RTN2: variants seen among roughly 807,000 people sequenced by gnomAD.
RTN2 encodes the protein reticulon 2, also known as reticulon-2.
A neutral mutation model predicts 63.7 loss-of-function variants in RTN2; 36 were observed. That is an observed-to-expected ratio of 0.56 (90% CI 0.43 to 0.75). RTN2 has a LOEUF of 0.75. Among genes scored for constraint, RTN2 ranks in the 30% least tolerant of loss-of-function variants. The pLI, the probability that RTN2 is intolerant of heterozygous loss-of-function variation, is 0.00. For synonymous variants in RTN2, 312 were observed against 313.0 expected, an observed-to-expected ratio of 1.00 and a Z score of 0.03; for missense variants, 673 against 705.1, an observed-to-expected ratio of 0.95 and a Z score of 0.52.
chr19:45,487,610 G>A (rs1206267655), intron 9 of RTN2, among the ~76,000 whole-genome samples: 2 of 110,962 alleles, frequency 1.8e-5, no homozygotes, highest in Non-Finnish European at 3.5e-5. Flanking sequence ...TTTTGAGACA[G>A]ACTCTTGCTC....
intron 9 of RTN2, among the ~76,000 whole-genome samples, chr19:45,487,914 G>T (rs1475801726): frequency 1.4e-5 from 2 of 142,534 alleles, no homozygotes; most frequent in Non-Finnish European, 3.0e-5. Flanking sequence ...CTGCACTCCA[G>T]TCTGGGCAAC....
Position 45,494,790 on chromosome 19 carries a change from G to T in RTN2, c.295C>A (p.Gln99Lys). 1.9e-6 allele frequency: 3 copies of T among 1,605,220 alleles called. No homozygotes were observed. Among genetic ancestry groups the T allele is most frequent in the Non-Finnish European group, 8.5e-7 (1 of 1,179,896 alleles). The change falls in exon 3 of 11, where the codon CAG becomes AAG. Residue 99 changes from glutamine (Q) to lysine (K), a missense_variant. Gln to Lys is a moderately conservative substitution (Grantham distance 53). Coordinates refer to ENST00000245923, the MANE Select transcript of RTN2 (RefSeq NM_005619.5). This position sits in a 1 kb window ranked among gnomAD's most constrained non-coding sequence, Gnocchi z 5.3. ...TCGCCCAGGCTGGGCTGAGGGTGCTGGTCTCGTGGTTCCGAGACTGAGCGG... is the reference window on the plus strand; with the variant it reads ...TCGCCCAGGCTGGGCTGAGGGTGCTTGTCTCGTGGTTCCGAGACTGAGCGG... ...QGRSVSEPRD[Q>K]HPQPSLGDSL...
Position 45,494,291 on chromosome 19 carries a change from CCA to C in RTN2, c.687_688del (p.Gly230AlafsTer28). 1 of 1,614,018 alleles carries C rather than the reference CCA, an allele frequency of 6.2e-7. No homozygotes were observed. The highest frequency in any genetic ancestry group is 8.5e-7 in the Non-Finnish European group (1 of 1,180,016). On this transcript the variant is annotated frameshift_variant, in exon 4 of 11. Transcript: ENST00000245923. LOFTEE classifies it high-confidence loss of function. This position sits in a 1 kb window ranked among gnomAD's most constrained non-coding sequence, Gnocchi z 5.3. ...CTCTTCCAGCAATGGCTCTTCGGGC[CCA>C]GAGTTCGAATCTCGCGATCGGGATG...
Position 45,493,247 on chromosome 19 carries a change from C to T in RTN2, c.946G>A (p.Val316Ile), listed in dbSNP as rs750182956. Residue 316 changes from valine (V) to isoleucine (I), a missense_variant, in exon 5 of 11, where the codon GTC (valine) becomes ATC (isoleucine). Val to Ile is a conservative substitution (Grantham distance 29, BLOSUM62 3). Transcript: ENST00000245923. Reference protein sequence around the residue: ...VQRGPTPPTPVLRVLLKWAKS... With the variant: ...VQRGPTPPTPILRVLLKWAKS... The stretch of plus-strand genomic sequence containing the variant: ...GCCCACTTCAGTAGAACCCGGAGGA[C>T]AGGAGTAGGGGGGGTGGGGCCCCTT... The T allele has an allele frequency of 6.2e-7, 1 of 1,613,820 alleles. No individual in the cohort carries two copies. Among genetic ancestry groups the T allele is most frequent in the South Asian group, 1.1e-5 (1 of 91,064 alleles).
In RTN2 at chr19:45,493,205, T is replaced by C. The variant is rs1160102976; in HGVS notation, c.988A>G (p.Ser330Gly). 3 of 1,613,336 alleles carry C rather than the reference T, an allele frequency of 1.9e-6. No individual in the cohort carries two copies. Among genetic ancestry groups the C allele is most frequent in the Middle Eastern group, 1.7e-4 (1 of 5,720 alleles). The change falls in exon 5 of 11, where the codon AGC becomes GGC. Residue 330 changes from serine to glycine, a missense_variant. By Grantham distance (56) the Ser-to-Gly change is moderately conservative. Transcript: ENST00000245923. ...LLKWAKSPRS[S>G]GVPSLSLGAD... Reference sequence around the variant, plus strand: ...CCGAGTGAGAGGCTGGGGACACCGCTGCTTCTCGGGGATTTTGCCCACTTC... The same window carrying C: ...CCGAGTGAGAGGCTGGGGACACCGCCGCTTCTCGGGGATTTTGCCCACTTC...
chr19:45,489,220 G>T, intron 6 of RTN2, 126 bp downstream of exon 6: 1 of 973,854 alleles, frequency 1.0e-6, no homozygotes. Context: ...GGGTAGGTTA[G>T]GGGATCGGGA....
Position 45,496,772 on chromosome 19 carries a change from C to T in RTN2, c.34+20G>A, listed in dbSNP as rs1404705423. The T allele has an allele frequency of 1.3e-6, 2 of 1,498,062 alleles. No individual in the cohort carries two copies. The highest frequency in any genetic ancestry group is 9.0e-7 in the Non-Finnish European group (1 of 1,115,174). 92.8% of individuals were successfully genotyped at this position (1,498,062 alleles called of 1,614,324 possible). On this transcript the variant is annotated intron_variant, in intron 1 of 10. Transcript: ENST00000245923. Reference sequence around the variant, plus strand: ...TGAACCTCTGGGGCCCACACCAGGCCCCAGTCTTCCTCTACTCACTGCAGT... The same window carrying T: ...TGAACCTCTGGGGCCCACACCAGGCTCCAGTCTTCCTCTACTCACTGCAGT...
rs1401575708 is a variant in RTN2 at position 45,488,886 on chromosome 19, G to T, written c.1342C>A (p.His448Asn). Residue 448 changes from histidine to asparagine, a missense_variant, in exon 7 of 11, where the codon CAC becomes AAC. Coordinates refer to ENST00000245923, the MANE Select transcript of RTN2 (RefSeq NM_005619.5). ...ACGAGGTCTTCTACCAGGAAGAAGT[G>T]CCGCAGCTGCGTGGCCGCCGAGACC... ...RVVSAATQLR[H>N]FFLVEDLVDS... 1 of 1,605,196 alleles carries T rather than the reference G, an allele frequency of 6.2e-7. No homozygotes were observed. Among genetic ancestry groups the T allele is most frequent in the East Asian group, 2.2e-5 (1 of 44,592 alleles).
chr19:45,493,030 C>A, intron 5 of RTN2, 130 bp downstream of exon 5: 1 of 987,296 alleles, frequency 1.0e-6, no homozygotes, highest in East Asian at 2.4e-5. Context: ...CCTCGGCCCC[C>A]TAGCCCCAGC....
chr19:45,494,852 C>A lies in RTN2; in HGVS notation c.233G>T (p.Arg78Leu), dbSNP rs143302045. The A allele has an allele frequency of 1.1e-5, 17 of 1,604,726 alleles. No individual in the cohort carries two copies. The highest frequency in any genetic ancestry group is 1.4e-5 in the Non-Finnish European group (17 of 1,179,826). The change falls in exon 3 of 11, where the codon CGC becomes CTC. Residue 78 changes from arginine to leucine, a missense_variant. Transcript: ENST00000245923. The surrounding 1 kb of genome is among the most constrained non-coding windows in gnomAD (Gnocchi z 5.3). The part of the protein sequence containing the change: ...AFDGVVGSGG[R>L]RDSTARRPRP... ...GGGGCGGCGGGCAGTTGAATCCCTGCGGCCCCCGGAGCCCACTACACCATC... is the reference window on the plus strand; with the variant it reads ...GGGGCGGCGGGCAGTTGAATCCCTGAGGCCCCCGGAGCCCACTACACCATC...
At position 45,494,772 on chromosome 19, in the gene RTN2, G is replaced by C. The variant is rs1239305077; in HGVS notation, c.313C>G (p.Leu105Val). Residue 105 changes from leucine to valine, a missense_variant, in exon 3 of 11, where the codon CTG (leucine) becomes GTG (valine). By Grantham distance (32) the Leu-to-Val change is conservative. Coordinates refer to ENST00000245923, the MANE Select transcript of RTN2 (RefSeq NM_005619.5). The surrounding 1 kb of genome is among the most constrained non-coding windows in gnomAD (Gnocchi z 5.3). ...EPRDQHPQPS[L>V]GDSLESIPSL... The stretch of plus-strand genomic sequence containing the variant: ...GGGATGCTCTCCAAGCTGTCGCCCA[G>C]GCTGGGCTGAGGGTGCTGGTCTCGT... 2 of 1,607,348 alleles carry C rather than the reference G, an allele frequency of 1.2e-6. No individual in the cohort carries two copies. Among genetic ancestry groups the C allele is most frequent in the South Asian group, 2.2e-5 (2 of 91,084 alleles).
At position 45,488,621 on chromosome 19, in the gene RTN2, G is replaced by A. The variant is rs758666284; in HGVS notation, c.1450+16C>T. On this transcript the variant is annotated intron_variant, in intron 8 of 10. Coordinates refer to ENST00000245923, the MANE Select transcript of RTN2 (RefSeq NM_005619.5). ...CTCCAAGTCCCCATTTGCCCCTTACGGCCTTCCCAGCTCACCCAGAATGAG... is the reference window on the plus strand; with the variant it reads ...CTCCAAGTCCCCATTTGCCCCTTACAGCCTTCCCAGCTCACCCAGAATGAG... The A allele has an allele frequency of 4.3e-6, 7 of 1,613,686 alleles. No individual in the cohort carries two copies. In the South Asian group the frequency reaches 4.4e-5, roughly 10 times the overall value.
At chr19:45,489,672 T>G in intron 5 of RTN2, 119 bp from the exon 6 acceptor site, 1 of 650,422 alleles carries the variant, frequency 1.5e-6, no homozygotes, top group East Asian at 2.9e-5. Context: ...CATAACCTGA[T>G]TTCCTTTTTT....
rs777614999 is a variant in RTN2, at chr19:45,494,584, C to T, written c.501G>A (p.Pro167=). The part of the protein sequence containing the change: ...GEDSSTSSST[P]LEDEEPQEPN... ...GTTCTTGGGGTTCTTCGTCTTCCAG[C>T]GGGGTGGAGCTGCTGGTGGAAGAGT... Residue 167 remains proline (P), a synonymous_variant, in exon 3 of 11, where the codon CCG becomes CCA. Coordinates refer to ENST00000245923, the MANE Select transcript of RTN2 (RefSeq NM_005619.5). The surrounding 1 kb of genome is among the most constrained non-coding windows in gnomAD (Gnocchi z 5.3). 3.7e-6 allele frequency: 6 copies of T among 1,613,932 alleles called. No individual in the cohort carries two copies. In the African/African-American group the frequency reaches 4.0e-5, roughly 11 times the overall value.
At chr19:45,493,939 C>T (rs969761350) in intron 4 of RTN2, 4 of 585,186 alleles carry the variant, frequency 6.8e-6, no homozygotes, top group Non-Finnish European at 1.2e-5. Context: ...ATCCGCCCGC[C>T]TCGGCCTCCC....
rs574256565 is a variant in RTN2 at position 45,492,324 on chromosome 19, C to T, written c.1033+836G>A. Among the ~76,000 whole-genome samples the T allele has an allele frequency of 3.9e-5, 6 of 152,164 alleles. No individual in the cohort carries two copies. The South Asian group carries it at 8.3e-4, about 21-fold the overall frequency. The stretch of plus-strand genomic sequence containing the variant: ...ATCACAACACTTTGGGAGGCCGAGG[C>T]GGGAGGATCACCTGAGGCCTGGACA... On this transcript the variant is annotated intron_variant, in intron 5 of 10. Coordinates refer to ENST00000245923, the MANE Select transcript of RTN2 (RefSeq NM_005619.5).
At position 45,495,143 on chromosome 19, in the gene RTN2, C is replaced by T. The variant is rs754362965; in HGVS notation, c.35-4G>A. Reference sequence around the variant, plus strand: ...GAGGCTGTAGACGGAGCTTCTTCTGCGAGAGGGAAAGAATCGAAGACTCTT... The same window carrying T: ...GAGGCTGTAGACGGAGCTTCTTCTGTGAGAGGGAAAGAATCGAAGACTCTT... On this transcript the variant is annotated splice_region_variant and splice_polypyrimidine_tract_variant and intron_variant, in intron 1 of 10. Transcript: ENST00000245923. 1.9e-6 allele frequency: 3 copies of T among 1,613,892 alleles called. No individual in the cohort carries two copies. Among genetic ancestry groups the T allele is most frequent in the Non-Finnish European group, 2.5e-6 (3 of 1,180,002 alleles).
chr19:45,494,717 C>G lies in RTN2; in HGVS notation c.368G>C (p.Arg123Pro). 20 of 1,612,954 alleles carry G rather than the reference C, an allele frequency of 1.2e-5. No homozygotes were observed. The highest frequency in any genetic ancestry group is 1.3e-5 in the Non-Finnish European group (15 of 1,179,982). The change falls in exon 3 of 11, where the codon CGA becomes CCA. Residue 123 changes from arginine to proline, a missense_variant. Arg to Pro is a moderately radical substitution (Grantham distance 103, BLOSUM62 -2). Transcript: ENST00000245923. The surrounding 1 kb of genome is among the most constrained non-coding windows in gnomAD (Gnocchi z 5.3). ...AGGCGCGGTGTCAGGATCACCCCGT[C>G]GTCCAGGCTCCGGGGATTGGCTCAG... ...PSLSQSPEPG[R>P]RGDPDTAPPS...
At chr19:45,490,288 C>T (rs1480523810) in intron 5 of RTN2, among the ~76,000 whole-genome samples, 1 of 152,154 alleles carries the variant, frequency 6.6e-6, no homozygotes, top group Non-Finnish European at 1.5e-5. Context: ...GCATGTGCTA[C>T]CGCGCCTGGC....
Sources: gnomAD v4.1 joint callset for allele counts (sites outside exome capture counted in the v4.1 genomes callset) on GRCh38, gnomAD v4.1.1 for gene constraint, Gnocchi (gnomAD v3.1) non-coding constraint, MANE v1.5 for transcripts, NCBI Gene and HGNC (gene_info 2026-07-23, HGNC 2026-07-21) for gene names.